Variants in CHST7 observed in about 807,000 individuals in gnomAD.
CHST7 encodes N-acetylglucosamine 6-O-sulfotransferase 4.
Under a neutral mutation model 9.0 loss-of-function variants are expected in CHST7, and 5 were observed. The ratio of observed to expected loss-of-function variants is 0.56; its 90% CI spans 0.29 to 1.17. The LOEUF (loss-of-function observed/expected upper bound fraction) is 1.17, where lower values mean the gene tolerates loss of function less well. Among genes scored for constraint, CHST7 ranks in the 50% most tolerant of loss-of-function variants. The pLI, the probability that CHST7 is intolerant of heterozygous loss-of-function variation, is 0.08. For synonymous variants in CHST7, 244 were observed against 237.1 expected, an observed-to-expected ratio of 1.03 and a Z score of -0.27; for missense variants, 377 against 485.1, an observed-to-expected ratio of 0.78 and a Z score of 2.09.
Position 46,574,839 on chromosome X carries a change from G to C in CHST7, c.908G>C (p.Arg303Pro). ...GLLRESIQVL[R>P]TRQRGDRFHR... is the part of the protein sequence containing the mutation. ...CTGCGCGAGAGCATCCAGGTGCTGC[G>C]CACCCGCCAGAGGGGCGACCGCTTC... The change falls in exon 1 of 2, where the codon CGC becomes CCC. Residue 303 changes from arginine to proline, a missense_variant. Physicochemically the swap from Arg to Pro is moderately radical, Grantham distance 103. This residue lies in a region of CHST7 where 239 missense variants were observed against 325.7 expected (regional missense o/e 0.73). Transcript: ENST00000276055. The C allele has an allele frequency of 8.5e-7, 1 of 1,183,148 alleles. No individual in the cohort carries two copies. The highest frequency in any genetic ancestry group is 1.1e-6 in the Non-Finnish European group (1 of 881,915).
intron 1 of CHST7, among the ~76,000 whole-genome samples, chrX:46,593,219 T>G (rs1942580296): frequency 8.9e-6 from 1 of 111,799 alleles, no homozygotes; most frequent in African/African-American, 3.3e-5. Context: ...TCAGTCCTTC[T>G]GTATCCTTAC....
At position 46,574,504 on chromosome X, in the gene CHST7, C is replaced by T; in HGVS notation, c.573C>T (p.Ala191=). The change falls in exon 1 of 2, where the codon GCC becomes GCT. Residue 191 remains alanine, a synonymous_variant. Coordinates refer to ENST00000276055, the MANE Select transcript of CHST7 (RefSeq NM_019886.4). ...APDTANLTTA[A]LFRWRTNKVI... The stretch of plus-strand genomic sequence containing the variant: ...ACACGGCCAATCTTACCACGGCCGC[C>T]CTCTTCCGCTGGCGGACTAACAAGG... 1.7e-6 allele frequency: 2 copies of T among 1,207,459 alleles called. No homozygotes were observed. The highest frequency in any genetic ancestry group is 1.1e-6 in the Non-Finnish European group (1 of 893,202).
At chrX:46,589,324 C>A (rs1485135441) in intron 1 of CHST7, among the ~76,000 whole-genome samples, 2 of 111,148 alleles carry the variant, frequency 1.8e-5, no homozygotes, top group Admixed American at 1.9e-4. Flanking sequence ...CCAGGGTGGG[C>A]AGATCACCTG....
In CHST7 at chrX:46,575,028, T is replaced by G. The variant is rs1430907542; in HGVS notation, c.1097T>G (p.Leu366Arg). 1 of 1,128,913 alleles carries G rather than the reference T, an allele frequency of 8.9e-7. No homozygotes were observed. The highest frequency in any genetic ancestry group is 1.2e-6 in the Non-Finnish European group (1 of 866,766). The allele number at this position is 1,128,913 out of a possible 1,213,427, so 93.0% of individuals were successfully genotyped here. The change falls in exon 1 of 2, where the codon CTG (leucine) becomes CGG (arginine). Residue 366 changes from leucine (L) to arginine (R), a missense_variant. Around this residue, in one of 3 missense-constraint regions of CHST7, gnomAD observed 130 missense variants for 134.9 expected, o/e 0.96. Transcript: ENST00000276055. ...LLFARGAPAW[L>R]RRRYLRLRYE... ...TTCGCGCGCGGCGCGCCCGCCTGGCTGCGGCGCCGCTACCTGAGGCTGCGC... is the reference window on the plus strand; with the variant it reads ...TTCGCGCGCGGCGCGCCCGCCTGGCGGCGGCGCCGCTACCTGAGGCTGCGC...
At position 46,586,762 on chromosome X, in the gene CHST7, T is replaced by C. The variant is rs772495725; in HGVS notation, c.*32-10998T>C. ...TTTTTTGTTTTTTTTTGAGATGGAGTTTCACTCTTGTTGCCCAGGCTGGAG... is the reference window on the plus strand; with the variant it reads ...TTTTTTGTTTTTTTTTGAGATGGAGCTTCACTCTTGTTGCCCAGGCTGGAG... On this transcript the variant is annotated intron_variant, in intron 1 of 1. Coordinates refer to ENST00000276055, the MANE Select transcript of CHST7 (RefSeq NM_019886.4). Among the ~76,000 whole-genome samples, 46 of 107,575 alleles carry C rather than the reference T, an allele frequency of 4.3e-4. 1 individual carries two copies. The highest frequency in any genetic ancestry group is 1.5e-3 in the African/African-American group (45 of 29,351). The allele number at this position is 107,575 out of a possible 115,157, so 93.4% of individuals were successfully genotyped here.
Position 46,574,819 on chromosome X carries a change from C to T in CHST7, c.888C>T (p.Arg296=). Residue 296 remains arginine (R), a synonymous_variant, in exon 1 of 2, where the codon CGC becomes CGT. Transcript: ENST00000276055. ...TCAAGTCTAGGCAGGGACTGCTGCG[C>T]GAGAGCATCCAGGTGCTGCGCACCC... ...SRLKSRQGLL[R]ESIQVLRTRQ... is the part of the protein sequence containing the mutation. 1 of 1,192,874 alleles carries T rather than the reference C, an allele frequency of 8.4e-7. No homozygotes were observed. Among genetic ancestry groups the T allele is most frequent in the Non-Finnish European group, 1.1e-6 (1 of 886,284 alleles).
intron 1 of CHST7, among the ~76,000 whole-genome samples, chrX:46,583,461 G>A (rs986668870): frequency 9.8e-5 from 11 of 111,767 alleles, no homozygotes; most frequent in Non-Finnish European, 1.3e-4. Context: ...TTTGCTCCCC[G>A]GCCCGCTTGG....
In CHST7 at chrX:46,575,064, T is replaced by A; in HGVS notation, c.1133T>A (p.Leu378Gln). 8.8e-7 allele frequency: 1 copy of A among 1,130,748 alleles called. No individual in the cohort carries two copies. Among genetic ancestry groups the A allele is most frequent in the Non-Finnish European group, 1.2e-6 (1 of 864,452 alleles). The allele number at this position is 1,130,748 out of a possible 1,213,427, so 93.2% of individuals were successfully genotyped here. A position where few individuals can be genotyped will look rare whatever the true frequency, so the allele number is the denominator to read the frequency against. ...RRYLRLRYED[L>Q]VRQPRAQLRR... ...TACCTGAGGCTGCGCTATGAGGACC[T>A]GGTGCGGCAGCCACGCGCCCAGCTG... Residue 378 changes from leucine (L) to glutamine (Q), a missense_variant, in exon 1 of 2, where the codon CTG becomes CAG. Leu to Gln is a moderately radical substitution (Grantham distance 113, BLOSUM62 -2). This residue lies in a region of CHST7 where 130 missense variants were observed against 134.9 expected (regional missense o/e 0.96). Coordinates refer to ENST00000276055, the MANE Select transcript of CHST7 (RefSeq NM_019886.4).
intron 1 of CHST7, among the ~76,000 whole-genome samples, chrX:46,596,537 G>A (rs1942595183): frequency 9.0e-6 from 1 of 111,093 alleles, no homozygotes; most frequent in Non-Finnish European, 1.9e-5. Context: ...ACCCTGTGAT[G>A]ACAAGCTGGA....
At chrX:46,588,363 A>C (rs1276434734) in intron 1 of CHST7, among the ~76,000 whole-genome samples, 2 of 111,628 alleles carry the variant, frequency 1.8e-5, no homozygotes, top group Admixed American at 9.6e-5. Context: ...TTGCAAGTTC[A>C]TTGGCTTGAA....
chrX:46,573,874 G>A lies in CHST7; in HGVS notation c.-58G>A. On this transcript the variant is annotated 5_prime_UTR_variant, in exon 1 of 2. Transcript: ENST00000276055. Reference sequence around the variant, plus strand: ...GGCCACAGGAGCGGACCTGGCACGGGATTTCTGAGGAACGGGAGAAGACTG... The same window carrying A: ...GGCCACAGGAGCGGACCTGGCACGGAATTTCTGAGGAACGGGAGAAGACTG... 1 of 1,151,585 alleles carries A rather than the reference G, an allele frequency of 8.7e-7. No individual in the cohort carries two copies. The highest frequency in any genetic ancestry group is 1.9e-5 in the South Asian group (1 of 52,371). The allele number at this position is 1,151,585 out of a possible 1,213,427, so 94.9% of individuals were successfully genotyped here. A position where few individuals can be genotyped will look rare whatever the true frequency, so the allele number is the denominator to read the frequency against.
intron 1 of CHST7, among the ~76,000 whole-genome samples, chrX:46,579,279 T>G (rs1207992789): frequency 8.9e-6 from 1 of 112,404 alleles, no homozygotes; most frequent in Non-Finnish European, 1.9e-5. Context: ...ATGGGTCCAT[T>G]TATCACCCTC....
At chrX:46,575,506 G>GAAA in intron 1 of CHST7, 83 bp downstream of exon 1, 1 of 809,293 alleles carries the variant, frequency 1.2e-6, no homozygotes, top group Non-Finnish European at 1.6e-6. Context: ...AGTGTAGGGG[G>GAAA]GAGGGTACCA....
rs771234285 is a variant in CHST7 at position 46,574,572 on chromosome X, G to A, written c.641G>A (p.Arg214Gln). The A allele has an allele frequency of 2.5e-6, 3 of 1,202,472 alleles. No homozygotes were observed. Among genetic ancestry groups the A allele is most frequent in the African/African-American group, 3.5e-5 (2 of 57,412 alleles). ...PPLCPGAPRARAEVGLVEDTA... is the reference protein window; with the variant it reads ...PPLCPGAPRAQAEVGLVEDTA... ...CTGTGTCCTGGCGCACCCCGTGCCC[G>A]GGCCGAGGTGGGCCTCGTCGAGGAC... The change falls in exon 1 of 2, where the codon CGG becomes CAG. Residue 214 changes from arginine (R) to glutamine (Q), a missense_variant. Around this residue, in one of 3 missense-constraint regions of CHST7, gnomAD observed 239 missense variants for 325.7 expected, o/e 0.73. Transcript: ENST00000276055.
chrX:46,592,980 G>T, intron 1 of CHST7, among the ~76,000 whole-genome samples: 1 of 108,568 alleles, frequency 9.2e-6, no homozygotes, highest in Admixed American at 1.0e-4. Context: ...TAAAATTTCT[G>T]GATAATTTCC....
chrX:46,588,432 C>T (rs1020776689), intron 1 of CHST7, among the ~76,000 whole-genome samples: 2 of 111,156 alleles, frequency 1.8e-5, no homozygotes, highest in Non-Finnish European at 3.8e-5. Flanking sequence ...TCCCCCATCC[C>T]GGCTTCAAAG....
chrX:46,578,293 T>TTTTTTTA (rs1942509013), intron 1 of CHST7, among the ~76,000 whole-genome samples: 1 of 96,198 alleles, frequency 1.0e-5, no homozygotes, highest in African/African-American at 3.9e-5. Context: ...TTTTTTTTTT[T>TTTTTTTA]GAGTGGCAGC....
intron 1 of CHST7, among the ~76,000 whole-genome samples, chrX:46,589,094 C>T (rs1238790497): frequency 1.8e-5 from 2 of 111,495 alleles, no homozygotes; most frequent in Non-Finnish European, 3.8e-5. Context: ...CCTTGTCAGA[C>T]ATCTAGCAGC....
rs768787819 is a variant in CHST7 at position 46,575,089 on chromosome X, G to C, written c.1158G>C (p.Leu386=). The C allele has an allele frequency of 7.1e-6, 8 of 1,120,103 alleles. No individual in the cohort carries two copies. Among genetic ancestry groups the C allele is most frequent in the Non-Finnish European group, 7.0e-6 (6 of 858,865 alleles). The allele number at this position is 1,120,103 out of a possible 1,213,427, so 92.3% of individuals were successfully genotyped here. Residue 386 remains leucine, a synonymous_variant, in exon 1 of 2, where the codon CTG becomes CTC. Transcript: ENST00000276055. The stretch of plus-strand genomic sequence containing the variant: ...TGGTGCGGCAGCCACGCGCCCAGCT[G>C]CGCCGCCTGCTGCGCTTCTCCGGGC... ...EDLVRQPRAQ[L]RRLLRFSGLR...
Sources: allele counts gnomAD v4.1 joint callset (sites outside exome capture counted in the v4.1 genomes callset), GRCh38; gene constraint gnomAD v4.1.1; regional missense constraint gnomAD v4.1.1; transcripts MANE v1.5; gene names NCBI Gene and HGNC (gene_info 2026-07-23, HGNC 2026-07-21).